RPS6KC1: variants seen among roughly 807,000 people sequenced by gnomAD.
RPS6KC1 encodes the protein ribosomal protein S6 kinase C1.
A neutral mutation model predicts 103.8 loss-of-function variants in RPS6KC1; 54 were observed. That is an observed-to-expected ratio of 0.52 (90% CI 0.42 to 0.65). The LOEUF is 0.65. Among genes scored for constraint, RPS6KC1 ranks in the 30% least tolerant of loss-of-function variants. RPS6KC1 has a pLI of 0.00. For missense variants in RPS6KC1, 1,151 were observed against 1,253.8 expected, an observed-to-expected ratio of 0.92 and a Z score of 1.24; for synonymous variants, 439 against 438.7, an observed-to-expected ratio of 1.00 and a Z score of -0.01.
the RPS6KC1 span, among the ~76,000 whole-genome samples, chr1:213,485,410 G>T: frequency 1.3e-5 from 2 of 151,886 alleles, no homozygotes. Context: ...CCCCTAACCT[G>T]CCACCCCCAA....
the RPS6KC1 span, among the ~76,000 whole-genome samples, chr1:213,847,814 C>T: frequency 9.2e-5 from 14 of 152,284 alleles, no homozygotes; most frequent in South Asian, 1.7e-3. Flanking sequence ...TCATCAAACA[C>T]GGCTACCTCA....
chr1:213,660,579 C>G, the RPS6KC1 span, among the ~76,000 whole-genome samples: 2 of 152,190 alleles, frequency 1.3e-5, no homozygotes, highest in Non-Finnish European at 2.9e-5. Flanking sequence ...CTAGGTAGCT[C>G]ATTTTAAAGA....
chr1:213,642,120 C>G, the RPS6KC1 span, among the ~76,000 whole-genome samples: 19 of 152,240 alleles, frequency 1.2e-4, no homozygotes, highest in Non-Finnish European at 2.4e-4. Flanking sequence ...GAAGCTCTTC[C>G]TACCCAGCAC....
At chr1:213,206,917 C>T (rs967354029) in intron 8 of RPS6KC1, among the ~76,000 whole-genome samples, 12 of 152,090 alleles carry the variant, frequency 7.9e-5, no homozygotes, top group South Asian at 2.1e-4. Flanking sequence ...TTGAGACCAG[C>T]GTGGCCAGCA....
the RPS6KC1 span, among the ~76,000 whole-genome samples, chr1:213,516,394 G>A: frequency 1.3e-5 from 2 of 152,060 alleles, no homozygotes; most frequent in Non-Finnish European, 2.9e-5. Flanking sequence ...ATTATTTTGA[G>A]ATACGTCCCA....
intron 6 of RPS6KC1, among the ~76,000 whole-genome samples, chr1:213,157,522 C>T (rs1038415224): frequency 1.3e-5 from 2 of 152,072 alleles, no homozygotes; most frequent in Admixed American, 1.3e-4. Flanking sequence ...TTGTTGATTT[C>T]TAGTTAATTG....
the RPS6KC1 span, among the ~76,000 whole-genome samples, chr1:213,515,598 T>G: frequency 6.6e-6 from 1 of 152,236 alleles, no homozygotes; most frequent in Non-Finnish European, 1.5e-5. Flanking sequence ...TATCTCTGTT[T>G]TTGTACCAGT....
At chr1:213,590,406 A>G in the RPS6KC1 span, among the ~76,000 whole-genome samples, 1 of 152,188 alleles carries the variant, frequency 6.6e-6, no homozygotes, top group South Asian at 2.1e-4. Flanking sequence ...AGGAAAGGTC[A>G]GCGTGTTGAA....
At chr1:213,730,071 C>G in the RPS6KC1 span, among the ~76,000 whole-genome samples, 3 of 152,092 alleles carry the variant, frequency 2.0e-5, no homozygotes, top group African/African-American at 7.2e-5. Flanking sequence ...AATGACCTCC[C>G]ACTCCATCCA....
intron 8 of RPS6KC1, among the ~76,000 whole-genome samples, chr1:213,222,431 G>C (rs144047518): frequency 6.6e-6 from 1 of 152,222 alleles, no homozygotes; most frequent in East Asian, 1.9e-4. Flanking sequence ...GGACAGATTG[G>C]TTTCATGGCA....
At chr1:213,066,679 A>C (rs750748370) in intron 1 of RPS6KC1, among the ~76,000 whole-genome samples, 1 of 152,156 alleles carries the variant, frequency 6.6e-6, no homozygotes, top group Non-Finnish European at 1.5e-5. Context: ...TCTCAGATCC[A>C]TTTCCCTGAC....
At chr1:213,542,053 C>A in the RPS6KC1 span, among the ~76,000 whole-genome samples, 6,894 of 152,166 alleles carry the variant, frequency 0.045, 513 homozygotes, top group African/African-American at 0.16. Context: ...TAGGGAGACA[C>A]GATTTAATAC....
chr1:213,422,627 T>G, the RPS6KC1 span, among the ~76,000 whole-genome samples: 1 of 152,102 alleles, frequency 6.6e-6, no homozygotes, highest in Non-Finnish European at 1.5e-5. Context: ...AAGGAATGAG[T>G]GATTGAGTGA....
chr1:213,213,126 T>G (rs1419828761), intron 8 of RPS6KC1, among the ~76,000 whole-genome samples: 1 of 152,234 alleles, frequency 6.6e-6, no homozygotes, highest in African/African-American at 2.4e-5. Context: ...TTTGATATTA[T>G]CTCAGAAAAG....
At chr1:213,143,862 T>C (rs1207252356) in intron 6 of RPS6KC1, among the ~76,000 whole-genome samples, 2 of 133,332 alleles carry the variant, frequency 1.5e-5, no homozygotes, top group African/African-American at 5.7e-5. Flanking sequence ...CACATAAAAA[T>C]AACTGTTTTC....
chr1:213,741,162 G>A, the RPS6KC1 span, among the ~76,000 whole-genome samples: 5 of 151,190 alleles, frequency 3.3e-5, no homozygotes, highest in South Asian at 4.2e-4. Flanking sequence ...GGGGTACTAC[G>A]TGGTGTTTTG....
At chr1:213,504,072 A>G in the RPS6KC1 span, among the ~76,000 whole-genome samples, 1 of 152,206 alleles carries the variant, frequency 6.6e-6, no homozygotes. Flanking sequence ...AATTAGAACT[A>G]TATGTATATA....
chr1:213,622,000 C>A, the RPS6KC1 span, among the ~76,000 whole-genome samples: 1 of 152,180 alleles, frequency 6.6e-6, no homozygotes, highest in East Asian at 1.9e-4. Flanking sequence ...CTCTGCCCCT[C>A]CAAGCCTCTT....
chr1:213,493,617 A>G, the RPS6KC1 span, among the ~76,000 whole-genome samples: 3 of 152,222 alleles, frequency 2.0e-5, no homozygotes, highest in Non-Finnish European at 2.9e-5. Flanking sequence ...TTAACTGTAT[A>G]TAAGTGCCAA....
Sources: allele counts gnomAD v4.1 joint callset (sites outside exome capture counted in the v4.1 genomes callset), GRCh38; gene constraint gnomAD v4.1.1; transcripts MANE v1.5; gene names NCBI Gene and HGNC (gene_info 2026-07-23, HGNC 2026-07-21).